Variants in RORA observed in about 807,000 individuals in gnomAD.
RORA encodes nuclear receptor ROR-alpha.
Under a neutral mutation model 69.5 loss-of-function variants are expected in RORA, and 7 were observed. The observed-to-expected ratio is 0.10, with a 90% CI of 0.06 to 0.19. RORA has a LOEUF of 0.19. Ranked by LOEUF, RORA falls within the 10% of genes least tolerant of loss-of-function variation. The pLI is 1.00. For missense variants in RORA, 457 were observed against 663.0 expected, an observed-to-expected ratio of 0.69 and a Z score of 3.41; for synonymous variants, 261 against 240.8, an observed-to-expected ratio of 1.08 and a Z score of -0.78.
intron 1 of RORA, chr15:61,211,851 G>A (rs1188946884): frequency 3.3e-5 from 5 of 152,242 alleles, no homozygotes; most frequent in African/African-American, 9.6e-5. Flanking sequence ...CTCCTTCCAG[G>A]ACTTCCAGGG....
At chr15:60,832,946 C>A (rs1356071279) in intron 1 of RORA, among the ~76,000 whole-genome samples, 1 of 152,084 alleles carries the variant, frequency 6.6e-6, no homozygotes, top group Non-Finnish European at 1.5e-5. Context: ...ACTGTGTCGC[C>A]CAGGCTGGAG....
chr15:60,635,814 T>TA (rs547723542), intron 2 of RORA, among the ~76,000 whole-genome samples: 2 of 151,924 alleles, frequency 1.3e-5, no homozygotes, highest in South Asian at 2.1e-4. Flanking sequence ...TAATTTCAAC[T>TA]AAAAAAAATG....
At chr15:61,069,291 A>C (rs1320704811) in intron 1 of RORA, among the ~76,000 whole-genome samples, 1 of 152,252 alleles carries the variant, frequency 6.6e-6, no homozygotes, top group Non-Finnish European at 1.5e-5. Flanking sequence ...TTAAATGGTA[A>C]AAACTGCCAT....
chr15:60,930,850 G>A (rs745527737), intron 1 of RORA, among the ~76,000 whole-genome samples: 5 of 152,164 alleles, frequency 3.3e-5, no homozygotes, highest in Non-Finnish European at 5.9e-5. Context: ...CCAAGAGACC[G>A]ACCCTGGTGG....
At position 60,531,749 on chromosome 15, in the gene RORA, C is replaced by T; in HGVS notation, c.282+17G>A. On this transcript the variant is annotated intron_variant, in intron 3 of 10. Coordinates refer to ENST00000335670, the MANE Select transcript of RORA (RefSeq NM_134261.3). The surrounding 1 kb of genome is among the most constrained non-coding windows in gnomAD (Gnocchi z 4.8). ...TAACAAACATTAATAGAAACAACAACAATTAAAAAGGCTTACCTTGCAGCC... is the reference window on the plus strand; with the variant it reads ...TAACAAACATTAATAGAAACAACAATAATTAAAAAGGCTTACCTTGCAGCC... 2 of 1,394,656 alleles carry T rather than the reference C, an allele frequency of 1.4e-6. No homozygotes were observed. Among genetic ancestry groups the T allele is most frequent in the Non-Finnish European group, 2.0e-6 (2 of 1,005,162 alleles). 86.4% of individuals were successfully genotyped at this position (1,394,656 alleles called of 1,614,324 possible). A position where few individuals can be genotyped will look rare whatever the true frequency, so the allele number is the denominator to read the frequency against.
intron 1 of RORA, among the ~76,000 whole-genome samples, chr15:61,120,660 C>G (rs563906299): frequency 8.5e-4 from 122 of 144,266 alleles, no homozygotes; most frequent in African/African-American, 3.1e-3. Context: ...CAGATTGCAC[C>G]ACTGCACTCC....
At chr15:60,908,135 T>C (rs1009902528) in intron 1 of RORA, among the ~76,000 whole-genome samples, 2 of 152,168 alleles carry the variant, frequency 1.3e-5, no homozygotes, top group Non-Finnish European at 2.9e-5. Context: ...TTCTGCAGTT[T>C]AGTTTATAGT....
intron 1 of RORA, among the ~76,000 whole-genome samples, chr15:61,100,233 C>G (rs1219806476): frequency 6.6e-6 from 1 of 151,724 alleles, no homozygotes; most frequent in Non-Finnish European, 1.5e-5. Context: ...ATTCTCCTGC[C>G]TCAGCCTCCT....
chr15:61,148,161 G>C (rs1200517354), intron 1 of RORA, among the ~76,000 whole-genome samples: 1 of 152,198 alleles, frequency 6.6e-6, no homozygotes, highest in Non-Finnish European at 1.5e-5. Context: ...GGGGCTAAAA[G>C]AGGAGCCACT....
chr15:60,730,967 G>A (rs187360209), intron 1 of RORA, among the ~76,000 whole-genome samples: 58 of 151,742 alleles, frequency 3.8e-4, no homozygotes, highest in South Asian at 3.1e-3. Flanking sequence ...AACATGTGTC[G>A]GGGGGTTGTT....
intron 1 of RORA, among the ~76,000 whole-genome samples, chr15:60,733,914 CAGAGAGAG>C (rs58672002): frequency 0.013 from 1,367 of 101,480 alleles, 14 homozygotes; most frequent in South Asian, 0.044. Flanking sequence ...AGAATAGGGG[CAGAGAGAG>C]AGAGAGAGAG....
chr15:60,954,437 T>C lies in RORA; in HGVS notation c.166+274616A>G, dbSNP rs944003076. On this transcript the variant is annotated intron_variant, in intron 1 of 10. Transcript: ENST00000335670. ...TGCACATGTACCCTAAAACTTAAAG[T>C]ATAAAAAAAAAAAAAAAGAACTTCC... Among the ~76,000 whole-genome samples, 10 of 113,124 alleles carry C rather than the reference T, an allele frequency of 8.8e-5. No individual in the cohort carries two copies. The South Asian group carries it at 2.2e-3, about 25-fold the overall frequency. 74.2% of individuals were successfully genotyped at this position (113,124 alleles called of 152,430 possible). A position where few individuals can be genotyped will look rare whatever the true frequency, so the allele number is the denominator to read the frequency against.
At chr15:61,189,768 AATGGC>A (rs1287684346) in intron 1 of RORA, among the ~76,000 whole-genome samples, 1 of 138,796 alleles carries the variant, frequency 7.2e-6, no homozygotes, top group African/African-American at 2.6e-5. Flanking sequence ...GAGGCAGGAG[AATGGC>A]ATGAACCCAG....
chr15:60,825,606 A>G (rs1415478249), intron 1 of RORA, among the ~76,000 whole-genome samples: 1 of 152,082 alleles, frequency 6.6e-6, no homozygotes, highest in Non-Finnish European at 1.5e-5. Context: ...CTGCTTCCCC[A>G]TCTTCCGTCT....
chr15:60,505,437 C>G, intron 6 of RORA, 71 bp downstream of exon 6: 1 of 1,513,018 alleles, frequency 6.6e-7, no homozygotes, highest in South Asian at 1.1e-5. Context: ...GAACTCTTGA[C>G]CAACTTTCCT....
intron 1 of RORA, among the ~76,000 whole-genome samples, chr15:60,743,016 A>ATTTTTTTTTTTTTTTTTTTT (rs33922947): frequency 9.5e-6 from 1 of 105,172 alleles, no homozygotes; most frequent in Non-Finnish European, 1.9e-5. Context: ...CATTCATTCT[A>ATTTTTTTTTTTTTTTTTTTT]TTTTTTTTTT....
chr15:60,492,301 G>A lies in RORA; in HGVS notation c.*5154C>T, dbSNP rs774096748. 1.3e-5 allele frequency: 2 copies of A among 152,034 alleles called. No homozygotes were observed. Among genetic ancestry groups the A allele is most frequent in the African/African-American group, 4.8e-5 (2 of 41,394 alleles). 9.4% of individuals were successfully genotyped at this position (152,034 alleles called of 1,614,324 possible). A position where few individuals can be genotyped will look rare whatever the true frequency, so the allele number is the denominator to read the frequency against. On this transcript the variant is annotated 3_prime_UTR_variant, in exon 11 of 11. Transcript: ENST00000335670. ...AATATGTGGAATATGATAACAAAAC[G>A]GTATTTCAAAAATATAACATGTAAC... is the stretch of plus-strand genomic sequence containing the variant.
chr15:61,088,132 C>T (rs1026734742), intron 1 of RORA, among the ~76,000 whole-genome samples: 7 of 152,164 alleles, frequency 4.6e-5, no homozygotes, highest in African/African-American at 1.4e-4. Context: ...AAGGCACTCA[C>T]ATGTTGGCCA....
chr15:60,736,561 C>T (rs1200376072), intron 1 of RORA, among the ~76,000 whole-genome samples: 1 of 151,940 alleles, frequency 6.6e-6, no homozygotes, highest in East Asian at 1.9e-4. Flanking sequence ...TTTTTTCTTC[C>T]TGAAAAAGAA....
Sources: gnomAD v4.1 joint callset for allele counts (sites outside exome capture counted in the v4.1 genomes callset) on GRCh38, gnomAD v4.1.1 for gene constraint, Gnocchi (gnomAD v3.1) non-coding constraint, MANE v1.5 for transcripts, NCBI Gene and HGNC (gene_info 2026-07-23, HGNC 2026-07-21) for gene names.